The following C2CD3 variants were observed in gnomAD, a reference collection of about 807,000 sequenced individuals.
C2CD3 encodes C2 domain containing 3 centriole elongation regulator.
C2CD3 carries 148 observed loss-of-function variants against 234.0 expected under a neutral mutation model. The ratio of observed to expected loss-of-function variants is 0.63; its 90% CI spans 0.55 to 0.72. The LOEUF is 0.72. Ranked by LOEUF, C2CD3 falls within the 30% of genes least tolerant of loss-of-function variation. The probability of loss-of-function intolerance (pLI) is 0.00; values close to 1 mark genes in which losing one functional copy is unlikely to be tolerated. For missense variants in C2CD3, 2,577 were observed against 2,811.5 expected, an observed-to-expected ratio of 0.92 and a Z score of 1.89; for synonymous variants, 1,000 against 1,035.4, an observed-to-expected ratio of 0.97 and a Z score of 0.66.
intron 7 of C2CD3, 119 bp from the exon 8 acceptor site, chr11:74,123,254 C>T: frequency 1.4e-6 from 1 of 694,374 alleles, no homozygotes; most frequent in Non-Finnish European, 2.4e-6. Context: ...AAACAAAAGA[C>T]TCACATTAAA....
chr11:74,061,506 A>AT (rs1954246438), intron 24 of C2CD3, among the ~76,000 whole-genome samples: 1 of 152,254 alleles, frequency 6.6e-6, no homozygotes, highest in Non-Finnish European at 1.5e-5. Context: ...TCAACCCAGA[A>AT]TTTCATATCC....
In C2CD3 at chr11:74,037,509, G is replaced by A. The variant is rs1952799789; in HGVS notation, c.5850C>T (p.Asn1950=). The change falls in exon 30 of 33, where the codon AAC becomes AAT. Residue 1950 remains asparagine, a synonymous_variant. Coordinates refer to ENST00000334126, the MANE Select transcript of C2CD3 (RefSeq NM_001286577.2). ...TTAAGGAGCTGACTTGCAACACCAG[G>A]TTACTGGATTTCTCCAGGATACACT... ...GSQCILEKSS[N]LVLQVSSLIT... 9 of 1,614,062 alleles carry A rather than the reference G, an allele frequency of 5.6e-6. No homozygotes were observed. In the East Asian group the frequency reaches 1.8e-4, roughly 32 times the overall value.
chr11:74,060,230 A>G (rs1433629883), intron 24 of C2CD3, among the ~76,000 whole-genome samples: 1 of 152,242 alleles, frequency 6.6e-6, no homozygotes, highest in Non-Finnish European at 1.5e-5. Flanking sequence ...AAACTTCTGC[A>G]GACTTAAACG....
At chr11:74,057,661 C>A in intron 24 of C2CD3, 117 bp from the exon 25 acceptor site, 1 of 1,053,984 alleles carries the variant, frequency 9.5e-7, no homozygotes, top group Non-Finnish European at 1.4e-6. Flanking sequence ...TTTGCTCAAG[C>A]TATCCCCCTG....
chr11:74,034,471 A>T, intron 30 of C2CD3, 193 bp from the exon 31 acceptor site: 1 of 1,563,436 alleles, frequency 6.4e-7, no homozygotes, highest in Non-Finnish European at 8.7e-7. Context: ...TTCTAATATC[A>T]GAGGACCAGA....
At position 74,086,735 on chromosome 11, in the gene C2CD3, A is replaced by G. The variant is rs1162181454; in HGVS notation, c.3642-849T>C. The stretch of plus-strand genomic sequence containing the variant: ...TAACGACACTCATAAAGAGTAGTCA[A>G]GTCATTTGGGTGTAGCTACAGTATG... On this transcript the variant is annotated intron_variant, in intron 20 of 32. Coordinates refer to ENST00000334126, the MANE Select transcript of C2CD3 (RefSeq NM_001286577.2). Among the ~76,000 whole-genome samples the G allele has an allele frequency of 7.9e-5, 12 of 152,342 alleles. No homozygotes were observed. The East Asian group carries it at 2.3e-3, about 29-fold the overall frequency.
At chr11:74,118,127 C>T in intron 9 of C2CD3, 101 bp downstream of exon 9, 1 of 798,988 alleles carries the variant, frequency 1.3e-6, no homozygotes, top group Middle Eastern at 2.8e-4. Context: ...TAATTAATCA[C>T]TCTGATGGTG....
intron 20 of C2CD3, among the ~76,000 whole-genome samples, chr11:74,086,721 A>T (rs1444606461): frequency 1.3e-5 from 2 of 152,232 alleles, no homozygotes; most frequent in African/African-American, 4.8e-5. Flanking sequence ...AACGACACTC[A>T]TAAAGAGTAG....
intron 3 of C2CD3, among the ~76,000 whole-genome samples, chr11:74,150,371 C>T (rs1168528059): frequency 1.3e-5 from 2 of 150,626 alleles, no homozygotes; most frequent in Non-Finnish European, 3.0e-5. Flanking sequence ...GCCTGTAATC[C>T]TAGCTACTTG....
chr11:74,077,935 T>C (rs1223617581), intron 23 of C2CD3, among the ~76,000 whole-genome samples, 180 bp downstream of exon 23: 2 of 149,966 alleles, frequency 1.3e-5, no homozygotes, highest in Admixed American at 6.7e-5. Flanking sequence ...TCTGTGACCC[T>C]GGGCAGGTAA....
chr11:74,079,033 T>C (rs548554621), intron 22 of C2CD3, among the ~76,000 whole-genome samples: 63 of 152,246 alleles, frequency 4.1e-4, no homozygotes, highest in Non-Finnish European at 7.3e-4. Context: ...ATGCTAGTGC[T>C]GTCTCCCAAA....
chr11:74,091,152 G>T, intron 19 of C2CD3: 1 of 430,312 alleles, frequency 2.3e-6, no homozygotes. Flanking sequence ...AAGAAATTAT[G>T]GTTCAGAGAT....
Position 74,027,983 on chromosome 11 carries a change from C to T in C2CD3, c.6921+304G>A, listed in dbSNP as rs1389082064. On this transcript the variant is annotated intron_variant, in intron 32 of 32. Coordinates refer to ENST00000334126, the MANE Select transcript of C2CD3 (RefSeq NM_001286577.2). Reference sequence around the variant, plus strand: ...CTCCTATCTACCTGCTTGGTGGGGACTCCCACAGCACTCAATACACATTTC... The same window carrying T: ...CTCCTATCTACCTGCTTGGTGGGGATTCCCACAGCACTCAATACACATTTC... 7.9e-5 allele frequency among the ~76,000 whole-genome samples: 12 copies of T among 152,182 alleles called. 1 individual carries two copies. Among genetic ancestry groups the T allele is most frequent in the Admixed American group, 7.9e-4 (12 of 15,282 alleles).
Position 74,034,154 on chromosome 11 carries a change from T to C in C2CD3, c.6006A>G (p.Thr2002=). The part of the protein sequence containing the change: ...QDTEALQERC[T]MPDEPLVRAP... ...CTCTTACCAATGGCTCATCTGGCATTGTGCATCGTTCTTGCAGTGCTTCTG... is the reference window on the plus strand; with the variant it reads ...CTCTTACCAATGGCTCATCTGGCATCGTGCATCGTTCTTGCAGTGCTTCTG... The change falls in exon 31 of 33, where the codon ACA becomes ACG. Residue 2002 remains threonine, a synonymous_variant. Transcript: ENST00000334126. The C allele has an allele frequency of 3.3e-6, 5 of 1,536,212 alleles. No individual in the cohort carries two copies. The highest frequency in any genetic ancestry group is 4.4e-6 in the Non-Finnish European group (5 of 1,146,904).
rs919746495 is a variant in C2CD3 at position 74,106,497 on chromosome 11, A to G, written c.1963-4T>C. ...ACACAGATCCAATGACTTCTGGCTG[A>G]GAAAGAAGGAAAGAGAACATTTAGA... On this transcript the variant is annotated splice_region_variant and splice_polypyrimidine_tract_variant and intron_variant, in intron 12 of 32. Transcript: ENST00000334126. The G allele has an allele frequency of 1.2e-6, 2 of 1,612,906 alleles. No individual in the cohort carries two copies. Among genetic ancestry groups the G allele is most frequent in the Non-Finnish European group, 1.7e-6 (2 of 1,179,488 alleles).
chr11:74,161,065 A>T (rs1590971196), intron 3 of C2CD3, among the ~76,000 whole-genome samples: 4 of 152,202 alleles, frequency 2.6e-5, no homozygotes, highest in Admixed American at 2.6e-4. Context: ...AATTAAAGAG[A>T]GCCTACTAAT....
Position 74,078,124 on chromosome 11 carries a change from T to G in C2CD3, c.4594A>C (p.Thr1532Pro). 6.2e-7 allele frequency: 1 copy of G among 1,612,958 alleles called. No individual in the cohort carries two copies. Among genetic ancestry groups the G allele is most frequent in the Non-Finnish European group, 8.5e-7 (1 of 1,179,436 alleles). ...CAGGCTCCTCACTTACCACTGACAG[T>G]TAGCGTCCTCGCTGACCTCTCCCCA... ...RLGERSARTLTVSGVYPLFGR... is the reference protein window; with the variant it reads ...RLGERSARTLPVSGVYPLFGR... Residue 1532 changes from threonine to proline, a missense_variant, in exon 23 of 33, where the codon ACT (threonine) becomes CCT (proline). Physicochemically the swap from Thr to Pro is conservative, Grantham distance 38. Transcript: ENST00000334126.
In C2CD3 at chr11:74,100,595, G is replaced by T; in HGVS notation, c.2662C>A (p.Arg888=). The part of the protein sequence containing the change: ...VMVIETWNKV[R]SPGQDKLLGL... The stretch of plus-strand genomic sequence containing the variant: ...AGCAGCTTGTCCTGTCCTGGGCTCC[G>T]CACCTTATTCCAAGTTTCAATTACC... Residue 888 remains arginine, a synonymous_variant, in exon 15 of 33, where the codon CGG becomes AGG. Coordinates refer to ENST00000334126, the MANE Select transcript of C2CD3 (RefSeq NM_001286577.2). 6.2e-7 allele frequency: 1 copy of T among 1,613,856 alleles called. No homozygotes were observed. Among genetic ancestry groups the T allele is most frequent in the Non-Finnish European group, 8.5e-7 (1 of 1,179,794 alleles).
intron 9 of C2CD3, among the ~76,000 whole-genome samples, chr11:74,116,203 G>GA (rs1430115878): frequency 1.3e-5 from 2 of 152,112 alleles, no homozygotes; most frequent in African/African-American, 4.8e-5. Flanking sequence ...CAGAATGGGA[G>GA]AAAATCTTCA....
Sources: allele counts gnomAD v4.1 joint callset (sites outside exome capture counted in the v4.1 genomes callset), GRCh38; gene constraint gnomAD v4.1.1; transcripts MANE v1.5; gene names NCBI Gene and HGNC (gene_info 2026-07-23, HGNC 2026-07-21).